The following COL19A1 variants were observed in gnomAD, a reference collection of about 807,000 sequenced individuals.
COL19A1 encodes the protein collagen alpha-1(XIX) chain.
Under a neutral mutation model 190.2 loss-of-function variants are expected in COL19A1, and 159 were observed. The ratio of observed to expected loss-of-function variants is 0.84; its 90% CI spans 0.73 to 0.95. COL19A1 has a LOEUF of 0.95. COL19A1 is among the 40% of genes least tolerant of loss of function. The probability of loss-of-function intolerance (pLI) is 0.00; values close to 1 mark genes in which losing one functional copy is unlikely to be tolerated. For synonymous variants in COL19A1, 509 were observed against 458.9 expected (o/e 1.11, Z -1.39); for missense variants, 1,418 against 1,431.9 (o/e 0.99, Z 0.16).
At chr6:70,150,785 GTT>G (rs1340544177) in intron 30 of COL19A1, among the ~76,000 whole-genome samples, 2 of 152,086 alleles carry the variant, frequency 1.3e-5, no homozygotes, top group Non-Finnish European at 2.9e-5. Flanking sequence ...TAACGCCACT[GTT>G]GAGTGAATCA....
In COL19A1 at chr6:69,909,441, C is replaced by CA. The variant is rs1770763754; in HGVS notation, c.266+9107dup. On this transcript the variant is annotated intron_variant, in intron 4 of 50. Coordinates refer to ENST00000620364, the MANE Select transcript of COL19A1 (RefSeq NM_001858.6). ...ATGTTCAACGGAACAAATATAAAGA[C>CA]AAAATCTCTTATATTTGGGATGATA... Among the ~76,000 whole-genome samples the CA allele has an allele frequency of 2.0e-5, 3 of 151,844 alleles. No individual in the cohort carries two copies. In the South Asian group the frequency reaches 6.2e-4, roughly 31 times the overall value.
chr6:70,101,586 T>A (rs909950906), intron 15 of COL19A1, among the ~76,000 whole-genome samples: 1 of 152,180 alleles, frequency 6.6e-6, no homozygotes, highest in Non-Finnish European at 1.5e-5. Context: ...TCATTCAGTA[T>A]ATGTAATTAC....
chr6:70,146,979 G>A, intron 27 of COL19A1, 90 bp downstream of exon 27: 2 of 1,133,342 alleles, frequency 1.8e-6, no homozygotes, highest in Non-Finnish European at 2.5e-6. Flanking sequence ...AGAATAGAAA[G>A]GTCAGAGACG....
intron 11 of COL19A1, among the ~76,000 whole-genome samples, chr6:70,007,097 T>A (rs747220700): frequency 3.3e-5 from 5 of 152,124 alleles, no homozygotes; most frequent in Non-Finnish European, 7.4e-5. Flanking sequence ...TTAGAAAATA[T>A]TTTTCTATGT....
chr6:69,921,058 T>TAGACATATC (rs1561996609), intron 4 of COL19A1, among the ~76,000 whole-genome samples: 25 of 51,518 alleles, frequency 4.9e-4, no homozygotes, highest in African/African-American at 2.1e-3. Context: ...AGACATATCA[T>TAGACATATC]ATATATTCAT....
At chr6:70,050,120 C>T (rs931442547) in intron 14 of COL19A1, among the ~76,000 whole-genome samples, 36 of 152,092 alleles carry the variant, frequency 2.4e-4, no homozygotes, top group Admixed American at 2.2e-3. Context: ...AAATGTGATA[C>T]TAATATTTCC....
intron 15 of COL19A1, among the ~76,000 whole-genome samples, chr6:70,074,667 C>T (rs1781769686): frequency 6.6e-6 from 1 of 152,082 alleles, no homozygotes; most frequent in African/African-American, 2.4e-5. Context: ...CATCCTTACA[C>T]AGGCTTGAAT....
At chr6:70,162,437 C>T (rs1007811323) in intron 35 of COL19A1, among the ~76,000 whole-genome samples, 6 of 152,126 alleles carry the variant, frequency 3.9e-5, no homozygotes, top group Non-Finnish European at 7.4e-5. Flanking sequence ...TCAAAGCCTT[C>T]GTGTCTTTCA....
chr6:69,887,927 G>A (rs1263455019), intron 2 of COL19A1, among the ~76,000 whole-genome samples: 1 of 152,152 alleles, frequency 6.6e-6, no homozygotes, highest in African/African-American at 2.4e-5. Flanking sequence ...ATCTCAGTGG[G>A]CAGCCTGGTT....
intron 17 of COL19A1, among the ~76,000 whole-genome samples, chr6:70,129,812 AAGAAGAC>A: frequency 6.6e-6 from 1 of 152,238 alleles, no homozygotes; most frequent in Non-Finnish European, 1.5e-5. Context: ...GAGAACAATA[AAGAAGAC>A]TTGAGAATAG....
rs1013687630 is a variant in COL19A1 at position 69,932,908 on chromosome 6, A to G, written c.747+45A>G. ...ATATGAAGAATGAAGAACGCCAATTATCTTTTAGTGGCATAGTTTGTAGAG... is the reference window on the plus strand; with the variant it reads ...ATATGAAGAATGAAGAACGCCAATTGTCTTTTAGTGGCATAGTTTGTAGAG... On this transcript the variant is annotated intron_variant, in intron 7 of 50. Coordinates refer to ENST00000620364, the MANE Select transcript of COL19A1 (RefSeq NM_001858.6). 7 of 1,287,842 alleles carry G rather than the reference A, an allele frequency of 5.4e-6. No homozygotes were observed. In the South Asian group the frequency reaches 7.6e-5, roughly 14 times the overall value. The allele number at this position is 1,287,842 out of a possible 1,614,324, so 79.8% of individuals were successfully genotyped here. A position where few individuals can be genotyped will look rare whatever the true frequency, so the allele number is the denominator to read the frequency against.
chr6:70,156,034 A>T, intron 31 of COL19A1, 93 bp from the exon 32 acceptor site: 2 of 986,022 alleles, frequency 2.0e-6, no homozygotes, highest in Non-Finnish European at 3.0e-6. Flanking sequence ...ACTCATCTCC[A>T]GAGGTTCCAA....
intron 11 of COL19A1, among the ~76,000 whole-genome samples, chr6:69,997,050 A>AGAGAGAGAG (rs1562072235): frequency 1.4e-5 from 2 of 144,236 alleles, no homozygotes; most frequent in East Asian, 4.0e-4. Flanking sequence ...GAGAGAGAGA[A>AGAGAGAGAG]AGAGAACCAA....
In COL19A1 at chr6:70,146,855, T is replaced by C. The variant is rs147852988; in HGVS notation, c.1859T>C (p.Ile620Thr). 11 of 1,592,140 alleles carry C rather than the reference T, an allele frequency of 6.9e-6. No individual in the cohort carries two copies. The South Asian group carries it at 1.0e-4, about 15-fold the overall frequency. The change falls in exon 27 of 51, where the codon ATA becomes ACA. Residue 620 changes from isoleucine (I) to threonine (T), a missense_variant. Transcript: ENST00000620364. ...LPGVHGSPGD[I>T]GPQGIGIPGR... ...GGTGTTCACGGTTCCCCAGGGGACA[T>C]AGGCCCACAAGGGATAGGAATTCCT...
intron 9 of COL19A1, among the ~76,000 whole-genome samples, chr6:69,953,920 A>C (rs1330782662): frequency 6.6e-6 from 1 of 151,846 alleles, no homozygotes; most frequent in Non-Finnish European, 1.5e-5. Context: ...TGAACAGTGG[A>C]TTTAAACATA....
chr6:70,122,829 A>G (rs1344311005), intron 17 of COL19A1, among the ~76,000 whole-genome samples: 1 of 152,176 alleles, frequency 6.6e-6, no homozygotes, highest in Non-Finnish European at 1.5e-5. Flanking sequence ...ATAAAATCCC[A>G]GTTTCTCTCT....
At chr6:70,112,964 A>T (rs760276119) in intron 16 of COL19A1, among the ~76,000 whole-genome samples, 11 of 152,352 alleles carry the variant, frequency 7.2e-5, no homozygotes, top group Admixed American at 3.9e-4. Flanking sequence ...AAAAATGTCC[A>T]AAGTGGCAGA....
rs2150268702 is a variant in COL19A1 at position 70,168,202 on chromosome 6, C to T, written c.2528C>T (p.Pro843Leu). 1 of 1,613,176 alleles carries T rather than the reference C, an allele frequency of 6.2e-7. No homozygotes were observed. The highest frequency in any genetic ancestry group is 8.5e-7 in the Non-Finnish European group (1 of 1,179,548). ...GTGAATGTTCCCAGTTACCCAGGGC[C>T]ACCCGGTCCTCCTGTAAGTACAGTT... ...GGVNVPSYPG[P>L]PGPPGPKGDP... is the part of the protein sequence containing the mutation. Residue 843 changes from proline (P) to leucine (L), a missense_variant, in exon 39 of 51, where the codon CCA (proline) becomes CTA (leucine). Physicochemically the swap from Pro to Leu is moderately conservative, Grantham distance 98. Transcript: ENST00000620364.
At chr6:70,138,731 C>T (rs1473123610) in intron 19 of COL19A1, among the ~76,000 whole-genome samples, 1 of 152,096 alleles carries the variant, frequency 6.6e-6, no homozygotes, top group Non-Finnish European at 1.5e-5. Context: ...TAGAATCAGT[C>T]TGTGGCCTAT....
Sources: gnomAD v4.1 joint callset for allele counts (sites outside exome capture counted in the v4.1 genomes callset) on GRCh38, gnomAD v4.1.1 for gene constraint, MANE v1.5 for transcripts, NCBI Gene and HGNC (gene_info 2026-07-23, HGNC 2026-07-21) for gene names.